Variants in GSN observed in about 807,000 individuals in gnomAD.
GSN encodes the protein actin-depolymerizing factor.
GSN carries 56 observed loss-of-function variants against 85.7 expected under a neutral mutation model. The observed-to-expected ratio is 0.65, with a 90% CI of 0.53 to 0.82. The LOEUF (loss-of-function observed/expected upper bound fraction) is 0.82. GSN is among the 40% of genes least tolerant of loss of function. The probability of loss-of-function intolerance (pLI) is 0.00; values close to 1 mark genes in which losing one functional copy is unlikely to be tolerated. For missense variants in GSN, 857 were observed against 979.8 expected (o/e 0.87, Z 1.67); for synonymous variants, 373 against 399.1 (o/e 0.93, Z 0.78).
upstream of GSN, among the ~76,000 whole-genome samples, chr9:121,206,931 C>T (rs1431217322): frequency 1.3e-5 from 2 of 152,150 alleles, no homozygotes; most frequent in East Asian, 3.8e-4. Flanking sequence ...GATTCACACT[C>T]AGTGGGGCAT....
intron 2 of GSN, among the ~76,000 whole-genome samples, chr9:121,290,416 A>G (rs778175893): frequency 2.0e-5 from 3 of 152,234 alleles, no homozygotes; most frequent in Non-Finnish European, 4.4e-5. Flanking sequence ...AGTATTTTAA[A>G]TAAAACCTAT....
At chr9:121,268,844 T>A (rs886853894) in intron 1 of GSN, among the ~76,000 whole-genome samples, 1 of 152,140 alleles carries the variant, frequency 6.6e-6, no homozygotes, top group African/African-American at 2.4e-5. Flanking sequence ...TGGAACCCCT[T>A]CTCCCTGAGC....
intron 6 of GSN, among the ~76,000 whole-genome samples, chr9:121,258,777 A>G (rs950983358): frequency 6.6e-6 from 1 of 152,046 alleles, no homozygotes; most frequent in Non-Finnish European, 1.5e-5. Flanking sequence ...GAAGAGACTG[A>G]TATTTATTTC....
chr9:121,273,641 C>A (rs1430044433), intron 1 of GSN, among the ~76,000 whole-genome samples: 1 of 152,074 alleles, frequency 6.6e-6, no homozygotes, highest in African/African-American at 2.4e-5. Context: ...ACACAATTAT[C>A]CTATATTTAT....
rs538724396 is a variant in GSN at position 121,290,266 on chromosome 9, A to G, written c.-10+8704A>G. On this transcript the variant is annotated intron_variant, in intron 2 of 17. Transcript: ENST00000432226. ...GGACAGAAGGCAGCACCCACACGGG[A>G]GCCCAGCTTCGTGCCAGGGACTGTA... Among the ~76,000 whole-genome samples the G allele has an allele frequency of 1.6e-3, 238 of 152,260 alleles. 1 individual carries two copies. Among genetic ancestry groups the G allele is most frequent in the African/African-American group, 5.2e-3 (218 of 41,548 alleles).
In GSN at chr9:121,221,315, T is replaced by C. The variant is rs562541329; in HGVS notation, c.-527-9850T>C. On this transcript the variant is annotated intron_variant, in intron 4 of 24. Coordinates refer to the GSN transcript ENST00000373823. ...CAGCCAGTTTTTCCTTCAGATGCAA[T>C]TAAATGGCAGCCTGCTTTGCAAGGG... Among the ~76,000 whole-genome samples the C allele has an allele frequency of 4.6e-5, 7 of 152,342 alleles. No homozygotes were observed. The East Asian group carries it at 1.3e-3, about 29-fold the overall frequency.
intron 6 of GSN, among the ~76,000 whole-genome samples, chr9:121,249,052 A>G (rs1346496045): frequency 1.3e-5 from 2 of 152,174 alleles, no homozygotes; most frequent in Admixed American, 6.5e-5. Flanking sequence ...ATGTAAGATG[A>G]TAACATAGGA....
intron 11 of GSN, among the ~76,000 whole-genome samples, chr9:121,323,095 T>G (rs1170261466): frequency 6.6e-6 from 1 of 152,150 alleles, no homozygotes; most frequent in Admixed American, 6.5e-5. Context: ...CCTCCCAAAG[T>G]GTTGGGATTA....
chr9:121,237,420 T>C (rs1276208921), intron 5 of GSN, among the ~76,000 whole-genome samples: 1 of 152,066 alleles, frequency 6.6e-6, no homozygotes, highest in Non-Finnish European at 1.5e-5. Flanking sequence ...AAAAATTAAC[T>C]GCATGTGAGT....
chr9:121,221,291 A>T (rs1448278979), intron 4 of GSN, among the ~76,000 whole-genome samples: 1 of 152,256 alleles, frequency 6.6e-6, no homozygotes, highest in Non-Finnish European at 1.5e-5. Context: ...AAAAAAGAGC[A>T]GCCAGTTTTT....
intron 4 of GSN, among the ~76,000 whole-genome samples, chr9:121,229,316 G>C (rs1423674987): frequency 6.6e-6 from 1 of 152,184 alleles, no homozygotes; most frequent in Non-Finnish European, 1.5e-5. Context: ...CACCTCCTGG[G>C]TTCAAGTGAT....
At chr9:121,203,686 G>C (rs2053839826), upstream of GSN, among the ~76,000 whole-genome samples, 1 of 152,218 alleles carries the variant, frequency 6.6e-6, no homozygotes, top group Non-Finnish European at 1.5e-5. Context: ...TCGAATTCCT[G>C]CTCTATAATC....
chr9:121,273,873 A>T (rs552056304), intron 1 of GSN, among the ~76,000 whole-genome samples: 1 of 152,328 alleles, frequency 6.6e-6, no homozygotes, highest in East Asian at 1.9e-4. Flanking sequence ...GCTGAGAGAA[A>T]CAGGATTTGC....
intron 14 of GSN, 97 bp from the exon 15 acceptor site, chr9:121,328,788 AGAGCAG>A (rs2063541710): frequency 8.5e-7 from 1 of 1,177,768 alleles, no homozygotes. Flanking sequence ...GAGGAGAGGG[AGAGCAG>A]TTGGTTGCGC....
chr9:121,331,293 G>T, intron 16 of GSN, 95 bp from the exon 17 acceptor site: 1 of 769,878 alleles, frequency 1.3e-6, no homozygotes, highest in Non-Finnish European at 2.3e-6. Flanking sequence ...GGAGGGCTTT[G>T]TCTGGTCTGA....
chr9:121,310,958 G>A (rs749403498), intron 5 of GSN, 113 bp downstream of exon 5: 1 of 906,932 alleles, frequency 1.1e-6, no homozygotes. Flanking sequence ...AAACCACAGG[G>A]ACCAGCATTG....
At chr9:121,265,218 C>T (rs942042942), upstream of GSN, 10 of 152,206 alleles carry the variant, frequency 6.6e-5, no homozygotes, top group East Asian at 1.9e-3. Context: ...TTTCTGAAGC[C>T]AGCTCCAGGA....
intron 6 of GSN, among the ~76,000 whole-genome samples, chr9:121,260,285 C>A (rs2055054478): frequency 6.6e-6 from 1 of 152,234 alleles, no homozygotes; most frequent in Non-Finnish European, 1.5e-5. Context: ...ATTTGGGGAG[C>A]ATTCAGGAGG....
intron 4 of GSN, among the ~76,000 whole-genome samples, chr9:121,214,265 TTC>T (rs375429378): frequency 3.9e-5 from 6 of 152,088 alleles, no homozygotes; most frequent in East Asian, 3.9e-4. Context: ...TTCCTTCTTT[TTC>T]TCTCTTTCTC....
Sources: allele counts gnomAD v4.1 joint callset (sites outside exome capture counted in the v4.1 genomes callset), GRCh38; gene constraint gnomAD v4.1.1; transcripts MANE v1.5; gene names NCBI Gene and HGNC (gene_info 2026-07-23, HGNC 2026-07-21).